TEK: variants seen among roughly 807,000 people sequenced by gnomAD.
The protein encoded by TEK is angiopoietin-1 receptor.
Under a neutral mutation model 131.8 loss-of-function variants are expected in TEK, and 43 were observed. The ratio of observed to expected loss-of-function variants is 0.33; its 90% CI spans 0.26 to 0.42. TEK has a LOEUF of 0.42. Among genes scored for constraint, TEK ranks in the 10% least tolerant of loss-of-function variants. The pLI, the probability that TEK is intolerant of heterozygous loss-of-function variation, is 1.00. For synonymous variants in TEK, 580 were observed against 491.6 expected, an observed-to-expected ratio of 1.18 and a Z score of -2.38; for missense variants, 1,162 against 1,384.4, an observed-to-expected ratio of 0.84 and a Z score of 2.55.
chr9:27,220,992 G>A (rs1016943376), intron 21 of TEK, among the ~76,000 whole-genome samples: 8 of 152,208 alleles, frequency 5.3e-5, no homozygotes, highest in African/African-American at 1.4e-4. Context: ...GCTCAGTGGA[G>A]CCCATCAAGC....
chr9:27,222,775 C>T (rs571940104), intron 21 of TEK, among the ~76,000 whole-genome samples: 34 of 152,196 alleles, frequency 2.2e-4, no homozygotes, highest in African/African-American at 8.2e-4. Context: ...AATCTAAAGA[C>T]CATCGACACT....
intron 16 of TEK, chr9:27,210,399 G>A (rs1825564152): frequency 1.1e-5 from 2 of 184,818 alleles, no homozygotes; most frequent in Admixed American, 5.6e-5. Flanking sequence ...AAAGGGCAAG[G>A]ATTCTCTGGA....
chr9:27,189,706 G>T (rs1040271477), intron 9 of TEK, among the ~76,000 whole-genome samples: 1 of 152,126 alleles, frequency 6.6e-6, no homozygotes, highest in Non-Finnish European at 1.5e-5. Flanking sequence ...GCAGTCTCTA[G>T]AAGCTAGAAA....
intron 1 of TEK, among the ~76,000 whole-genome samples, chr9:27,141,274 A>G (rs1221556882): frequency 3.3e-5 from 5 of 151,382 alleles, no homozygotes; most frequent in African/African-American, 7.3e-5. Flanking sequence ...GTTTATATTT[A>G]TCTTCCCTGG....
Position 27,192,630 on chromosome 9 carries a change from G to A in TEK, c.1624+7G>A. 25 of 1,602,504 alleles carry A rather than the reference G, an allele frequency of 1.6e-5. No homozygotes were observed. Among genetic ancestry groups the A allele is most frequent in the Non-Finnish European group, 2.0e-5 (23 of 1,173,050 alleles). On this transcript the variant is annotated splice_region_variant and intron_variant, in intron 11 of 22. Coordinates refer to ENST00000380036, the MANE Select transcript of TEK (RefSeq NM_000459.5). ...TTCACAACAGCTTCTATCGGTCAGT[G>A]GAAGCCAACAGGCATTTATTCATGA...
intron 12 of TEK, among the ~76,000 whole-genome samples, chr9:27,201,326 C>G (rs1587005972): frequency 6.6e-6 from 1 of 152,254 alleles, no homozygotes; most frequent in East Asian, 1.9e-4. Flanking sequence ...CTAAAAGACA[C>G]TGCTGCTTTT....
rs1587044325 is a variant in TEK at position 27,220,037 on chromosome 9, T to A, written c.3104-12T>A. On this transcript the variant is annotated splice_polypyrimidine_tract_variant and intron_variant, in intron 20 of 22. Transcript: ENST00000380036. Reference sequence around the variant, plus strand: ...CCAGAGAGGACTTAGAGTGGCACTGTTTGTCTTCCAGGAGGCACACCCTAC... The same window carrying A: ...CCAGAGAGGACTTAGAGTGGCACTGATTGTCTTCCAGGAGGCACACCCTAC... 1.2e-6 allele frequency: 2 copies of A among 1,613,796 alleles called. No individual in the cohort carries two copies.
At chr9:27,172,575 A>G in intron 4 of TEK, 41 bp from the exon 5 acceptor site, 2 of 1,611,522 alleles carry the variant, frequency 1.2e-6, no homozygotes, top group Non-Finnish European at 1.7e-6. Context: ...TGTTGAGCGA[A>G]TGCGCTCTAC....
intron 12 of TEK, among the ~76,000 whole-genome samples, chr9:27,200,101 C>T (rs372179279): frequency 3.9e-5 from 6 of 152,100 alleles, no homozygotes; most frequent in East Asian, 1.9e-4. Context: ...CCCAATGCCA[C>T]GTATTGAGTA....
intron 9 of TEK, among the ~76,000 whole-genome samples, chr9:27,187,657 C>A (rs1427903135): frequency 6.6e-6 from 1 of 152,094 alleles, no homozygotes; most frequent in Non-Finnish European, 1.5e-5. Flanking sequence ...GTGGCTTAAG[C>A]AACAGGAATT....
At chr9:27,174,974 T>TA (rs1298499187) in intron 6 of TEK, among the ~76,000 whole-genome samples, 2,687 of 149,804 alleles carry the variant, frequency 0.018, 50 homozygotes, top group Non-Finnish European at 0.028. Context: ...GTTTTTTTTT[T>TA]AATTCTTTTT....
chr9:27,201,072 G>A (rs776118505), intron 12 of TEK, among the ~76,000 whole-genome samples: 17 of 152,220 alleles, frequency 1.1e-4, no homozygotes, highest in South Asian at 2.1e-4. Context: ...GTGATATCCC[G>A]TTTCTAAATT....
intron 17 of TEK, 37 bp downstream of exon 17, chr9:27,212,934 G>A (rs763425263): frequency 2.5e-6 from 4 of 1,605,558 alleles, no homozygotes; most frequent in Middle Eastern, 1.7e-4. Context: ...TATCTTTCCT[G>A]TGGAGTTCCC....
intron 21 of TEK, among the ~76,000 whole-genome samples, chr9:27,223,001 A>C (rs1030404329): frequency 2.0e-5 from 3 of 152,064 alleles, no homozygotes; most frequent in African/African-American, 7.2e-5. Flanking sequence ...AGACTAAACC[A>C]ACAAAGATCA....
intron 5 of TEK, 77 bp downstream of exon 5, chr9:27,172,824 C>T: frequency 6.3e-7 from 1 of 1,583,774 alleles, no homozygotes; most frequent in Non-Finnish European, 8.6e-7. Context: ...TAGATCTCGA[C>T]ACAGATGGGA....
At chr9:27,222,536 C>A (rs1826128500) in intron 21 of TEK, among the ~76,000 whole-genome samples, 1 of 152,162 alleles carries the variant, frequency 6.6e-6, no homozygotes, top group Non-Finnish European at 1.5e-5. Flanking sequence ...CCCTACGAGC[C>A]AGAAGAGAGT....
intron 1 of TEK, among the ~76,000 whole-genome samples, chr9:27,132,857 G>A (rs1040182824): frequency 6.6e-6 from 1 of 152,186 alleles, no homozygotes; most frequent in African/African-American, 2.4e-5. Context: ...GAGGGAGGTA[G>A]AAAGAGAGAG....
chr9:27,224,234 A>G (rs528216558), intron 21 of TEK, among the ~76,000 whole-genome samples: 1 of 150,908 alleles, frequency 6.6e-6, no homozygotes, highest in Non-Finnish European at 1.5e-5. Context: ...CAATAGAAAA[A>G]GAGGGATCTT....
intron 1 of TEK, among the ~76,000 whole-genome samples, chr9:27,136,737 C>T (rs561211181): frequency 6.6e-6 from 1 of 152,286 alleles, no homozygotes; most frequent in African/African-American, 2.4e-5. Context: ...TCAAGTCCTT[C>T]AGCTGCATAC....
Sources: gnomAD v4.1 joint callset for allele counts (sites outside exome capture counted in the v4.1 genomes callset) on GRCh38, gnomAD v4.1.1 for gene constraint, MANE v1.5 for transcripts, NCBI Gene and HGNC (gene_info 2026-07-23, HGNC 2026-07-21) for gene names.